Variants in RBFOX1 observed in about 807,000 individuals in gnomAD.
The protein encoded by RBFOX1 is RNA binding protein fox-1 homolog 1.
RBFOX1 carries 8 observed loss-of-function variants against 57.7 expected under a neutral mutation model. The observed-to-expected ratio is 0.14, with a 90% confidence interval of 0.08 to 0.25. The LOEUF is 0.25. Among genes scored for constraint, RBFOX1 ranks in the 10% least tolerant of loss-of-function variants. The probability of loss-of-function intolerance (pLI) is 1.00; values close to 1 mark genes in which losing one functional copy is unlikely to be tolerated. For missense variants in RBFOX1, 611 were observed against 548.5 expected (o/e 1.11, Z -1.14); for synonymous variants, 326 against 222.4 (o/e 1.47, Z -4.15).
chr16:5,472,686 C>G (rs1272682429), intron 2 of RBFOX1, among the ~76,000 whole-genome samples: 1 of 152,126 alleles, frequency 6.6e-6, no homozygotes, highest in Non-Finnish European at 1.5e-5. Flanking sequence ...CAGCGCCTTC[C>G]CTGTTTGAGA....
Position 7,052,245 on chromosome 16 carries a change from T to A in RBFOX1, c.27+147T>A, listed in dbSNP as rs1478034314. 4 of 1,274,722 alleles carry A rather than the reference T, an allele frequency of 3.1e-6. No individual in the cohort carries two copies. The African/African-American group carries it at 4.5e-5, about 14-fold the overall frequency. 79.0% of individuals were successfully genotyped at this position (1,274,722 alleles called of 1,614,324 possible). A position where few individuals can be genotyped will look rare whatever the true frequency, so the allele number is the denominator to read the frequency against. ...TTGAAAATATTTATCCCAGCTTATT[T>A]AGTATTGATTGAGCTGTTAAATACA... On this transcript the variant is annotated intron_variant, in intron 4 of 15. Transcript: ENST00000550418.
At chr16:5,782,541 C>T (rs185555849) in intron 3 of RBFOX1, among the ~76,000 whole-genome samples, 90 of 152,266 alleles carry the variant, frequency 5.9e-4, no homozygotes, top group African/African-American at 2.0e-3. Flanking sequence ...ACATCTAGAT[C>T]ATAGCAGAGA....
chr16:7,141,545 T>C (rs530562913), intron 4 of RBFOX1, among the ~76,000 whole-genome samples: 2 of 152,310 alleles, frequency 1.3e-5, no homozygotes, highest in South Asian at 4.1e-4. Context: ...GTTATTTTAT[T>C]TTTATTTTTA....
At position 7,496,702 on chromosome 16, in the gene RBFOX1, T is replaced by TC. The variant is rs1555517434; in HGVS notation, c.28-21445_28-21444insC. ...AACCTTAACAAAGACTTTTTTTTTT[T>TC]AAATTTGACCACTGCAGTGTTCTCA... is the stretch of plus-strand genomic sequence containing the variant. On this transcript the variant is annotated intron_variant, in intron 4 of 15. Coordinates refer to ENST00000550418, the MANE Select transcript of RBFOX1 (RefSeq NM_018723.4). 3.2e-3 allele frequency among the ~76,000 whole-genome samples: 480 copies of TC among 147,814 alleles called. 4 individuals are homozygous for TC. Among genetic ancestry groups the TC allele is most frequent in the African/African-American group, 0.011 (450 of 39,934 alleles).
chr16:7,164,198 G>C (rs916782020), intron 4 of RBFOX1, among the ~76,000 whole-genome samples: 1 of 152,006 alleles, frequency 6.6e-6, no homozygotes, highest in East Asian at 1.9e-4. Flanking sequence ...CCCCACATAT[G>C]AGTGAGAACA....
chr16:7,302,374 C>T (rs1215882739), intron 4 of RBFOX1, among the ~76,000 whole-genome samples: 2 of 152,084 alleles, frequency 1.3e-5, no homozygotes, highest in Non-Finnish European at 2.9e-5. Flanking sequence ...TTGTGCCTTG[C>T]GAGCTGATGG....
chr16:5,297,550 A>C (rs891534174), intron 1 of RBFOX1, among the ~76,000 whole-genome samples: 3 of 152,200 alleles, frequency 2.0e-5, no homozygotes, highest in Non-Finnish European at 2.9e-5. Flanking sequence ...CTTTTGAGAA[A>C]TGTCTACTTA....
intron 3 of RBFOX1, among the ~76,000 whole-genome samples, chr16:7,040,842 G>T (rs11640992): frequency 0.1 from 15,808 of 152,142 alleles, 1,002 homozygotes; most frequent in Middle Eastern, 0.19. Flanking sequence ...GGCAAATTGT[G>T]GCCATGGGCC....
chr16:7,180,512 AG>A (rs1430460571), intron 4 of RBFOX1, among the ~76,000 whole-genome samples: 1 of 152,174 alleles, frequency 6.6e-6, no homozygotes, highest in East Asian at 1.9e-4. Context: ...TTTATCTGGT[AG>A]GGTCCTTTGA....
chr16:7,226,861 C>T (rs971248070), intron 4 of RBFOX1, among the ~76,000 whole-genome samples: 1 of 152,168 alleles, frequency 6.6e-6, no homozygotes, highest in African/African-American at 2.4e-5. Context: ...ACTTCAGGCT[C>T]ACAGGCAAAT....
At chr16:6,407,567 G>GTGTGTGTC (rs67151505) in intron 2 of RBFOX1, among the ~76,000 whole-genome samples, 4,131 of 144,810 alleles carry the variant, frequency 0.029, 206 homozygotes, top group East Asian at 0.23. Flanking sequence ...GTGTGTGTGT[G>GTGTGTGTC]ACAGAGAGAG....
chr16:6,337,499 G>C (rs190865441), intron 2 of RBFOX1, among the ~76,000 whole-genome samples: 1 of 152,186 alleles, frequency 6.6e-6, no homozygotes, highest in Non-Finnish European at 1.5e-5. Flanking sequence ...TGGCAAAGGA[G>C]TGGAAATAAA....
chr16:5,464,535 AG>A (rs2068894047), intron 1 of RBFOX1, among the ~76,000 whole-genome samples: 1 of 152,214 alleles, frequency 6.6e-6, no homozygotes, highest in South Asian at 2.1e-4. Flanking sequence ...CAGGGGACCA[AG>A]GGTCCTTGCA....
intron 1 of RBFOX1, among the ~76,000 whole-genome samples, chr16:6,212,233 T>C (rs2152854826): frequency 6.6e-6 from 1 of 152,212 alleles, no homozygotes; most frequent in Non-Finnish European, 1.5e-5. Context: ...CATTGTTAAT[T>C]GGTGAAAAAA....
chr16:6,544,952 A>G (rs554048345), intron 2 of RBFOX1, among the ~76,000 whole-genome samples: 1 of 152,312 alleles, frequency 6.6e-6, no homozygotes, highest in African/African-American at 2.4e-5. Context: ...ACAGAGGATT[A>G]GGCAAAGGGT....
At chr16:7,032,859 C>T (rs532458108) in intron 3 of RBFOX1, among the ~76,000 whole-genome samples, 2 of 152,306 alleles carry the variant, frequency 1.3e-5, no homozygotes, top group African/African-American at 4.8e-5. Flanking sequence ...GGAAACTTGT[C>T]TAACTTCCAG....
At position 5,790,249 on chromosome 16, in the gene RBFOX1, G is replaced by A. The variant is rs76086087; in HGVS notation, c.319-77054G>A. ...GTCAGTTCCATGGCCATGCCTTGTGGCCTGTGAGCTGGGAAGTGGAGCCCA... is the reference window on the plus strand; with the variant it reads ...GTCAGTTCCATGGCCATGCCTTGTGACCTGTGAGCTGGGAAGTGGAGCCCA... On this transcript the variant is annotated intron_variant, in intron 3 of 19. Transcript: ENST00000641259. 8.8e-3 allele frequency among the ~76,000 whole-genome samples: 1,343 copies of A among 152,306 alleles called. 22 individuals are homozygous for A. Among genetic ancestry groups the A allele is most frequent in the African/African-American group, 0.03 (1,267 of 41,556 alleles).
At chr16:6,509,204 TG>T (rs2096192694) in intron 2 of RBFOX1, among the ~76,000 whole-genome samples, 1 of 152,174 alleles carries the variant, frequency 6.6e-6, no homozygotes, top group African/African-American at 2.4e-5. Context: ...AAGGTATTTT[TG>T]GGGGGAGCTG....
chr16:7,600,377 T>C (rs2094947998), intron 9 of RBFOX1, among the ~76,000 whole-genome samples: 1 of 152,190 alleles, frequency 6.6e-6, no homozygotes, highest in African/African-American at 2.4e-5. Flanking sequence ...CTCCAAGCTA[T>C]CCCAAGTTTC....
Sources: allele counts gnomAD v4.1 joint callset (sites outside exome capture counted in the v4.1 genomes callset), GRCh38; gene constraint gnomAD v4.1.1; transcripts MANE v1.5; gene names NCBI Gene and HGNC (gene_info 2026-07-23, HGNC 2026-07-21).